Variants in CAPZB observed in about 807,000 individuals in gnomAD.
CAPZB encodes the protein capping actin protein of muscle Z-line subunit beta, also known as F-actin-capping protein subunit beta.
In CAPZB, 2 loss-of-function variants were observed where a neutral mutation model predicts 38.1. The ratio of observed to expected loss-of-function variants is 0.05; its 90% CI spans 0.02 to 0.17. The LOEUF is 0.17. Among genes scored for constraint, CAPZB ranks in the 10% least tolerant of loss-of-function variants. The probability of loss-of-function intolerance (pLI) is 1.00; values close to 1 mark genes in which losing one functional copy is unlikely to be tolerated. For missense variants in CAPZB, 161 were observed against 334.2 expected (o/e 0.48, Z 4.04); for synonymous variants, 107 against 127.4 (o/e 0.84, Z 1.08).
chr1:19,344,843 C>T (rs1393281461), intron 7 of CAPZB, among the ~76,000 whole-genome samples: 1 of 152,238 alleles, frequency 6.6e-6, no homozygotes, highest in Non-Finnish European at 1.5e-5. Flanking sequence ...CCAGGGCCCA[C>T]TGGCATTCCT....
chr1:19,411,072 A>G (rs1024604171), intron 2 of CAPZB, among the ~76,000 whole-genome samples: 7 of 152,214 alleles, frequency 4.6e-5, no homozygotes, highest in African/African-American at 2.4e-5. Context: ...GGCCAGGCAC[A>G]GTGGCTCACA....
At chr1:19,455,150 C>T (rs998816254) in intron 1 of CAPZB, among the ~76,000 whole-genome samples, 8 of 152,220 alleles carry the variant, frequency 5.3e-5, no homozygotes, top group African/African-American at 1.4e-4. Flanking sequence ...AGAGACAATT[C>T]ATGCCTCCCG....
chr1:19,395,987 G>A (rs974899664), intron 2 of CAPZB, among the ~76,000 whole-genome samples: 2 of 152,210 alleles, frequency 1.3e-5, no homozygotes, highest in African/African-American at 2.4e-5. Context: ...CATCCTGCAT[G>A]TCTATCCAGA....
At chr1:19,391,519 C>T (rs2094234987) in intron 2 of CAPZB, among the ~76,000 whole-genome samples, 2 of 152,222 alleles carry the variant, frequency 1.3e-5, no homozygotes, top group African/African-American at 4.8e-5. Flanking sequence ...CAGCAGAGGG[C>T]TCTGTGACAA....
In CAPZB at chr1:19,392,528, T is replaced by TAA. The variant is rs58626568; in HGVS notation, c.94-6904_94-6903dup. 9.4e-3 allele frequency among the ~76,000 whole-genome samples: 1,222 copies of TAA among 129,412 alleles called. 54 individuals carry two copies. In the East Asian group the frequency reaches 0.13, roughly 14 times the overall value. 84.9% of individuals were successfully genotyped at this position (129,412 alleles called of 152,430 possible). On this transcript the variant is annotated intron_variant, in intron 2 of 8. Transcript: ENST00000264202. ...CTGGCACACTGCTTTTCTTAAGAATTAAAAAAAAAAAAAAAAAAAGGCCAG... is the reference window on the plus strand; with the variant it reads ...CTGGCACACTGCTTTTCTTAAGAATTAAAAAAAAAAAAAAAAAAAAAGGCCAG...
At chr1:19,391,168 G>A (rs986020909) in intron 2 of CAPZB, among the ~76,000 whole-genome samples, 3 of 151,534 alleles carry the variant, frequency 2.0e-5, no homozygotes, top group African/African-American at 4.9e-5. Flanking sequence ...TGTTTGTGCC[G>A]CCATATGGTT....
At position 19,357,023 on chromosome 1, in the gene CAPZB, G is replaced by A. The variant is rs2094025109; in HGVS notation, c.472-272C>T. ...ATTATGGGCGCCCGCCACCACGCCT[G>A]GCTAATGTTTTTTGTGTTTTTGGTA... is the stretch of plus-strand genomic sequence containing the variant. On this transcript the variant is annotated intron_variant, in intron 5 of 8. Transcript: ENST00000264202. This position sits in a 1 kb window ranked among gnomAD's most constrained non-coding sequence, Gnocchi z 4.3. 6.6e-6 allele frequency among the ~76,000 whole-genome samples: 1 copy of A among 152,028 alleles called. No individual in the cohort carries two copies. The highest frequency in any genetic ancestry group is 2.4e-5 in the African/African-American group (1 of 41,396).
At chr1:19,374,766 G>A (rs2094136680) in intron 4 of CAPZB, among the ~76,000 whole-genome samples, 1 of 152,228 alleles carries the variant, frequency 6.6e-6, no homozygotes, top group Non-Finnish European at 1.5e-5. Flanking sequence ...CGGGAGCATT[G>A]GGTGGAGGTC....
chr1:19,462,126 C>A (rs1312170753), intron 1 of CAPZB, among the ~76,000 whole-genome samples: 1 of 151,734 alleles, frequency 6.6e-6, no homozygotes, highest in Admixed American at 6.6e-5. Context: ...CCACTGCACT[C>A]CAGCCTGGGC....
chr1:19,393,094 A>G (rs900739379), intron 2 of CAPZB, among the ~76,000 whole-genome samples: 2 of 152,242 alleles, frequency 1.3e-5, no homozygotes, highest in African/African-American at 4.8e-5. Flanking sequence ...CAGCTTCGTT[A>G]CAGGGACCCC....
At position 19,461,914 on chromosome 1, in the gene CAPZB, T is replaced by A. The variant is rs550451434; in HGVS notation, c.3+23522A>T. Among the ~76,000 whole-genome samples the A allele has an allele frequency of 4.6e-5, 7 of 152,342 alleles. No individual in the cohort carries two copies. The South Asian group carries it at 1.4e-3, about 32-fold the overall frequency. On this transcript the variant is annotated intron_variant, in intron 1 of 8. Coordinates refer to ENST00000264202, the MANE Select transcript of CAPZB (RefSeq NM_004930.5). ...CATTTAAGTGAGATGATGCATTGACTTAATGTCTTGAATACTGTCTCTGGC... is the reference window on the plus strand; with the variant it reads ...CATTTAAGTGAGATGATGCATTGACATAATGTCTTGAATACTGTCTCTGGC...
intron 1 of CAPZB, among the ~76,000 whole-genome samples, chr1:19,473,842 C>T (rs115019210): frequency 0.064 from 9,673 of 151,960 alleles, 998 homozygotes; most frequent in African/African-American, 0.22. Flanking sequence ...CCAGCCTAGG[C>T]AAAGAGAATG....
intron 2 of CAPZB, among the ~76,000 whole-genome samples, chr1:19,388,831 G>C (rs1452225225): frequency 6.6e-6 from 1 of 152,208 alleles, no homozygotes; most frequent in Admixed American, 6.6e-5. Context: ...TTGAAGATCT[G>C]TGATGGGACT....
At chr1:19,361,495 G>A (rs776972179) in intron 4 of CAPZB, among the ~76,000 whole-genome samples, 5 of 152,378 alleles carry the variant, frequency 3.3e-5, no homozygotes, top group Non-Finnish European at 7.3e-5. Context: ...CCTCTCCTGC[G>A]AGTGCCATCA....
intron 1 of CAPZB, chr1:19,484,522 C>T (rs2094643782): frequency 3.7e-6 from 5 of 1,338,550 alleles, no homozygotes; most frequent in Non-Finnish European, 4.8e-6. Context: ...CACACCGATG[C>T]CCGCCCTTCC....
At chr1:19,469,231 C>A (rs1407405589) in intron 1 of CAPZB, among the ~76,000 whole-genome samples, 1 of 152,188 alleles carries the variant, frequency 6.6e-6, no homozygotes, top group Admixed American at 6.5e-5. Flanking sequence ...GGGGGAGCCA[C>A]AAGCTGGTGG....
rs527742753 is a variant in CAPZB, at chr1:19,356,513, G to A, written c.588+122C>T. ...AAATGCAAAGCCCTACTTAGATGGTGGATTTATAGCTGGCTGAACATGCTT... is the reference window on the plus strand; with the variant it reads ...AAATGCAAAGCCCTACTTAGATGGTAGATTTATAGCTGGCTGAACATGCTT... On this transcript the variant is annotated intron_variant, in intron 6 of 8. Transcript: ENST00000264202. This position sits in a 1 kb window ranked among gnomAD's most constrained non-coding sequence, Gnocchi z 4.3. The A allele has an allele frequency of 2.6e-6, 2 of 763,540 alleles. No homozygotes were observed. Among genetic ancestry groups the A allele is most frequent in the South Asian group, 2.8e-5 (2 of 71,284 alleles). 47.3% of individuals were successfully genotyped at this position (763,540 alleles called of 1,614,324 possible).
At chr1:19,385,085 T>C (rs1413597938) in intron 3 of CAPZB, among the ~76,000 whole-genome samples, 3 of 152,142 alleles carry the variant, frequency 2.0e-5, no homozygotes, top group South Asian at 2.1e-4. Flanking sequence ...GCTGCGTTCG[T>C]AGATCCCTTA....
At chr1:19,392,728 C>T (rs1341296142) in intron 2 of CAPZB, among the ~76,000 whole-genome samples, 1 of 152,146 alleles carries the variant, frequency 6.6e-6, no homozygotes, top group African/African-American at 2.4e-5. Context: ...GAAGTCGAGG[C>T]TGCAGTGAGC....
Sources: gnomAD v4.1 joint callset for allele counts (sites outside exome capture counted in the v4.1 genomes callset) on GRCh38, gnomAD v4.1.1 for gene constraint, Gnocchi (gnomAD v3.1) non-coding constraint, MANE v1.5 for transcripts, NCBI Gene and HGNC (gene_info 2026-07-23, HGNC 2026-07-21) for gene names.